Variants in NRG1 observed in about 807,000 individuals in gnomAD.
NRG1 encodes neuregulin 1.
In NRG1, 18 loss-of-function variants were observed where a neutral mutation model predicts 63.8. That is an observed-to-expected ratio of 0.28 (90% CI 0.19 to 0.42). The LOEUF (loss-of-function observed/expected upper bound fraction) is 0.42, where lower values mean the gene tolerates loss of function less well. NRG1 is among the 10% of genes least tolerant of loss of function. The pLI, the probability that NRG1 is intolerant of heterozygous loss-of-function variation, is 1.00. For synonymous variants in NRG1, 302 were observed against 301.3 expected, an observed-to-expected ratio of 1.00 and a Z score of -0.02; for missense variants, 762 against 814.7, an observed-to-expected ratio of 0.94 and a Z score of 0.79.
intron 1 of NRG1, among the ~76,000 whole-genome samples, chr8:32,305,456 T>C (rs1282896229): frequency 2.0e-5 from 3 of 152,226 alleles, no homozygotes; most frequent in African/African-American, 7.2e-5. Flanking sequence ...TTTAGTCTAC[T>C]TTCTTACTCT....
intron 1 of NRG1, among the ~76,000 whole-genome samples, chr8:32,191,023 C>T (rs1299884976): frequency 2.0e-5 from 3 of 152,088 alleles, no homozygotes; most frequent in Non-Finnish European, 4.4e-5. Flanking sequence ...TCTGTCTTCC[C>T]ATAGATGTTC....
At chr8:31,968,611 C>T (rs2129628126) in intron 1 of NRG1, among the ~76,000 whole-genome samples, 1 of 152,288 alleles carries the variant, frequency 6.6e-6, no homozygotes, top group African/African-American at 2.4e-5. Flanking sequence ...AGTTGCCTGA[C>T]TTTTCTGCCC....
chr8:32,729,776 G>T (rs751856329), intron 6 of NRG1, among the ~76,000 whole-genome samples: 4 of 152,100 alleles, frequency 2.6e-5, no homozygotes, highest in Admixed American at 2.6e-4. Context: ...AAAAAGCAAC[G>T]ATCGAAAATG....
At chr8:32,459,980 T>G (rs920034086) in intron 1 of NRG1, among the ~76,000 whole-genome samples, 6 of 152,252 alleles carry the variant, frequency 3.9e-5, no homozygotes, top group African/African-American at 1.4e-4. Flanking sequence ...TCACAACACC[T>G]TATGTTAATG....
chr8:31,892,898 T>C (rs1386460159), intron 1 of NRG1, among the ~76,000 whole-genome samples: 1 of 151,994 alleles, frequency 6.6e-6, no homozygotes. Context: ...ATTTGAAAAA[T>C]ATATATAATT....
intron 1 of NRG1, among the ~76,000 whole-genome samples, chr8:31,653,969 A>G (rs1417775548): frequency 1.4e-5 from 2 of 139,204 alleles, no homozygotes; most frequent in Non-Finnish European, 3.1e-5. Context: ...TTTTTTTTTC[A>G]TAGTAGGATA....
At chr8:32,351,881 G>A (rs965130318) in intron 1 of NRG1, among the ~76,000 whole-genome samples, 2 of 151,800 alleles carry the variant, frequency 1.3e-5, no homozygotes, top group African/African-American at 4.8e-5. Context: ...AGAATAGTAA[G>A]AAATAAGGAG....
chr8:32,091,685 G>T (rs2131274814), intron 1 of NRG1, among the ~76,000 whole-genome samples: 1 of 152,236 alleles, frequency 6.6e-6, no homozygotes, highest in South Asian at 2.1e-4. Context: ...CATTGGAGAG[G>T]ATTGACCAAC....
chr8:32,344,698 T>G (rs539277950), intron 1 of NRG1, among the ~76,000 whole-genome samples: 27 of 149,316 alleles, frequency 1.8e-4, no homozygotes, highest in African/African-American at 6.2e-4. Context: ...GAAGTGATCC[T>G]CCTGCTTCAA....
chr8:32,524,428 C>T (rs1830614844), intron 1 of NRG1, among the ~76,000 whole-genome samples: 1 of 152,162 alleles, frequency 6.6e-6, no homozygotes, highest in South Asian at 2.1e-4. Flanking sequence ...CCATCTTTTT[C>T]TCTCTTGGTT....
chr8:32,730,368 A>C (rs1823332024), intron 6 of NRG1, among the ~76,000 whole-genome samples: 1 of 152,106 alleles, frequency 6.6e-6, no homozygotes, highest in Admixed American at 6.6e-5. Flanking sequence ...TGGGGGGATC[A>C]CTTGAGCCCG....
chr8:31,784,991 A>C (rs1397604884), intron 1 of NRG1, among the ~76,000 whole-genome samples: 13 of 152,120 alleles, frequency 8.5e-5, no homozygotes, highest in Non-Finnish European at 1.5e-5. Flanking sequence ...TTGATTGCTA[A>C]ATCTTTACAG....
At chr8:32,709,022 G>A (rs1037307473) in intron 5 of NRG1, among the ~76,000 whole-genome samples, 2 of 152,146 alleles carry the variant, frequency 1.3e-5, no homozygotes, top group African/African-American at 4.8e-5. Flanking sequence ...TATTATGGAA[G>A]AAAATGTAAG....
At chr8:32,164,657 A>G (rs933521773) in intron 1 of NRG1, among the ~76,000 whole-genome samples, 2 of 152,214 alleles carry the variant, frequency 1.3e-5, no homozygotes, top group African/African-American at 4.8e-5. Context: ...CCATAAAAAG[A>G]GGTATTTTAG....
At chr8:31,798,298 A>C (rs1365957872) in intron 1 of NRG1, among the ~76,000 whole-genome samples, 1 of 152,208 alleles carries the variant, frequency 6.6e-6, no homozygotes, top group Non-Finnish European at 1.5e-5. Flanking sequence ...CATTACATAC[A>C]TGTATTGAAA....
At chr8:32,318,444 CT>C (rs1392151298) in intron 1 of NRG1, among the ~76,000 whole-genome samples, 25 of 152,250 alleles carry the variant, frequency 1.6e-4, no homozygotes, top group African/African-American at 5.8e-4. Context: ...TAAGTACAAT[CT>C]TAATGTTTTT....
At chr8:32,128,517 G>C (rs1834394551) in intron 1 of NRG1, among the ~76,000 whole-genome samples, 1 of 151,870 alleles carries the variant, frequency 6.6e-6, no homozygotes. Context: ...TTCCTCTTCA[G>C]TTTGGTGGAA....
rs191174731 is a variant in NRG1 at position 32,501,228 on chromosome 8, G to A, written c.38-94600G>A. Among the ~76,000 whole-genome samples the A allele has an allele frequency of 9.6e-3, 1,463 of 152,268 alleles. 23 individuals carry two copies. Among genetic ancestry groups the A allele is most frequent in the African/African-American group, 0.033 (1,386 of 41,544 alleles). ...AGTCAATTGATAAAGAAATTTGGTT[G>A]TTTCTCTGACATACAGGATTTTAAG... On this transcript the variant is annotated intron_variant, in intron 1 of 10. Transcript: ENST00000519301.
intron 6 of NRG1, among the ~76,000 whole-genome samples, chr8:32,731,345 G>C (rs1383938888): frequency 1.3e-5 from 2 of 151,734 alleles, no homozygotes; most frequent in Non-Finnish European, 2.9e-5. Flanking sequence ...AAAGCCCCAA[G>C]CCATCCTCTG....
Sources: allele counts gnomAD v4.1 joint callset (sites outside exome capture counted in the v4.1 genomes callset), GRCh38; gene constraint gnomAD v4.1.1; transcripts MANE v1.5; gene names NCBI Gene and HGNC (gene_info 2026-07-23, HGNC 2026-07-21).